Variants in CNPY3 observed in about 807,000 individuals in gnomAD.
CNPY3 encodes protein canopy homolog 3.
Under a neutral mutation model 32.0 loss-of-function variants are expected in CNPY3, and 20 were observed. The observed-to-expected ratio is 0.63, with a 90% CI of 0.44 to 0.91. The LOEUF is 0.91. CNPY3 is among the 40% of genes least tolerant of loss of function. The pLI is 0.00. For synonymous variants in CNPY3, 138 were observed against 142.9 expected (o/e 0.97, Z 0.24); for missense variants, 299 against 340.8 (o/e 0.88, Z 0.97).
intron 1 of CNPY3, among the ~76,000 whole-genome samples, chr6:42,933,234 G>T (rs1767959890): frequency 6.6e-6 from 1 of 152,094 alleles, no homozygotes; most frequent in African/African-American, 2.4e-5. Flanking sequence ...TATTTTCCTA[G>T]GGCCTCAGGC....
At position 42,939,024 on chromosome 6, in the gene CNPY3, G is replaced by A; in HGVS notation, c.*233G>A. On this transcript the variant is annotated 3_prime_UTR_variant, in exon 6 of 6. Transcript: ENST00000372836. ...TCTCTCCTGACCCAGGGTTCAGGCA[G>A]GCCTTGTGGTTTCAGGACTGCAAGG... is the stretch of plus-strand genomic sequence containing the variant. 1 of 1,321,462 alleles carries A rather than the reference G, an allele frequency of 7.6e-7. No homozygotes were observed. The highest frequency in any genetic ancestry group is 2.3e-5 in the South Asian group (1 of 44,206). The allele number at this position is 1,321,462 out of a possible 1,614,324, so 81.9% of individuals were successfully genotyped here. A position where few individuals can be genotyped will look rare whatever the true frequency, so the allele number is the denominator to read the frequency against.
Position 42,939,058 on chromosome 6 carries a change from G to A in CNPY3, c.*267G>A. ...GTTTCAGGACTGCAAGGACTCCAGTGTGAACTCAGGAGGGGCAGGTGTCAG... is the reference window on the plus strand; with the variant it reads ...GTTTCAGGACTGCAAGGACTCCAGTATGAACTCAGGAGGGGCAGGTGTCAG... On this transcript the variant is annotated 3_prime_UTR_variant, in exon 6 of 6. Coordinates refer to ENST00000372836, the MANE Select transcript of CNPY3 (RefSeq NM_006586.5). The A allele has an allele frequency of 8.0e-7, 1 of 1,247,462 alleles. No homozygotes were observed. Among genetic ancestry groups the A allele is most frequent in the Non-Finnish European group, 1.0e-6 (1 of 992,848 alleles). 77.3% of individuals were successfully genotyped at this position (1,247,462 alleles called of 1,614,324 possible). A position where few individuals can be genotyped will look rare whatever the true frequency, so the allele number is the denominator to read the frequency against.
chr6:42,933,897 G>T (rs545172337), intron 1 of CNPY3, among the ~76,000 whole-genome samples: 1 of 152,196 alleles, frequency 6.6e-6, no homozygotes, highest in Admixed American at 6.5e-5. Context: ...AGACCCTGGC[G>T]TGGTGGCTCA....
intron 1 of CNPY3, 147 bp downstream of exon 1, chr6:42,929,868 C>G: frequency 2.1e-6 from 2 of 935,448 alleles, no homozygotes. Flanking sequence ...GACGCTGCGG[C>G]GGACGAGAGA....
Position 42,929,514 on chromosome 6 carries a change from C to A in CNPY3, c.-57C>A. 6.7e-7 allele frequency: 1 copy of A among 1,491,630 alleles called. No homozygotes were observed. The highest frequency in any genetic ancestry group is 1.3e-5 in the South Asian group (1 of 78,234). The allele number at this position is 1,491,630 out of a possible 1,614,324, so 92.4% of individuals were successfully genotyped here. ...GAAGCGGCGAGGGGAAACTGCTCCG[C>A]GCGCGCCGCGGGAGGAGGAACCGCC... On this transcript the variant is annotated 5_prime_UTR_variant, in exon 1 of 6. Transcript: ENST00000372836.
At chr6:42,934,660 A>G in intron 2 of CNPY3, 62 bp downstream of exon 2, 1 of 1,603,492 alleles carries the variant, frequency 6.2e-7, no homozygotes, top group Non-Finnish European at 8.5e-7. Flanking sequence ...AGGGGTTTGG[A>G]GTTCCCTTCT....
At chr6:42,933,226 T>C (rs1294788294) in intron 1 of CNPY3, among the ~76,000 whole-genome samples, 1 of 151,368 alleles carries the variant, frequency 6.6e-6, no homozygotes, top group East Asian at 1.9e-4. Context: ...GCATTAAGTA[T>C]TTTCCTAGGG....
chr6:42,931,815 C>T (rs1180375691), intron 1 of CNPY3, among the ~76,000 whole-genome samples: 2 of 152,148 alleles, frequency 1.3e-5, no homozygotes, highest in Non-Finnish European at 2.9e-5. Context: ...CCTCTGCCTC[C>T]AGGGTTCAAG....
chr6:42,936,882 T>C (rs1768273878), intron 3 of CNPY3, among the ~76,000 whole-genome samples: 1 of 152,176 alleles, frequency 6.6e-6, no homozygotes, highest in Admixed American at 6.5e-5. Flanking sequence ...GTGTGTATGC[T>C]ATACCACTGC....
Position 42,938,101 on chromosome 6 carries a change from G to A in CNPY3, c.507G>A (p.Leu169=). The change falls in exon 5 of 6, where the codon CTG becomes CTA. Residue 169 remains leucine, a synonymous_variant. Transcript: ENST00000372836. ...VADLKKQCDV[L]VEEFEEVIED... is the part of the protein sequence containing the mutation. ...ATTATGATTAACAGTGTGATGTGCT[G>A]GTGGAAGAGTTTGAGGAGGTGATCG... is the stretch of plus-strand genomic sequence containing the variant. The A allele has an allele frequency of 2.5e-6, 4 of 1,613,528 alleles. No individual in the cohort carries two copies. The highest frequency in any genetic ancestry group is 3.4e-6 in the Non-Finnish European group (4 of 1,179,410).
intron 5 of CNPY3, 31 bp from the exon 6 acceptor site, chr6:42,938,537 C>G: frequency 6.5e-7 from 1 of 1,549,482 alleles, no homozygotes; most frequent in Non-Finnish European, 8.7e-7. Flanking sequence ...TGAGGCACTT[C>G]TGTTGAGGGT....
chr6:42,936,125 C>T (rs116125230), intron 3 of CNPY3, among the ~76,000 whole-genome samples: 217 of 152,300 alleles, frequency 1.4e-3, no homozygotes, highest in African/African-American at 4.9e-3. Context: ...AGTATGTGTA[C>T]GAGTGCTTTT....
At position 42,935,679 on chromosome 6, in the gene CNPY3, C is replaced by G. The variant is rs116075503; in HGVS notation, c.372+9C>G. On this transcript the variant is annotated intron_variant, in intron 3 of 5. Coordinates refer to ENST00000372836, the MANE Select transcript of CNPY3 (RefSeq NM_006586.5). Reference sequence around the variant, plus strand: ...GCAATCGATTTGCCAAGGTTGGATTCGGGATTGTCCTTCATCCGCTCTGGG... The same window carrying G: ...GCAATCGATTTGCCAAGGTTGGATTGGGGATTGTCCTTCATCCGCTCTGGG... 1 of 1,605,946 alleles carries G rather than the reference C, an allele frequency of 6.2e-7. No individual in the cohort carries two copies. The highest frequency in any genetic ancestry group is 1.7e-5 in the Admixed American group (1 of 59,910).
intron 2 of CNPY3, 145 bp from the exon 3 acceptor site, chr6:42,935,429 A>C: frequency 7.5e-7 from 1 of 1,339,650 alleles, no homozygotes; most frequent in East Asian, 2.6e-5. Context: ...GATCCCCCAG[A>C]CCAGATGACC....
chr6:42,931,938 G>A (rs1767856105), intron 1 of CNPY3, among the ~76,000 whole-genome samples: 1 of 151,874 alleles, frequency 6.6e-6, no homozygotes, highest in South Asian at 2.1e-4. Flanking sequence ...GGCCAGGTTG[G>A]TCTTGAACTC....
chr6:42,935,250 A>G (rs565404643), intron 2 of CNPY3, among the ~76,000 whole-genome samples: 1 of 152,280 alleles, frequency 6.6e-6, no homozygotes, highest in African/African-American at 2.4e-5. Context: ...TAAAAACCCA[A>G]TTCTGTCAGC....
chr6:42,929,866 G>C, intron 1 of CNPY3, 145 bp downstream of exon 1: 8 of 961,828 alleles, frequency 8.3e-6, no homozygotes, highest in Non-Finnish European at 1.0e-5. Context: ...GGGACGCTGC[G>C]GCGGACGAGA....
Position 42,939,265 on chromosome 6 carries a change from T to G in CNPY3, c.*474T>G, listed in dbSNP as rs970805291. On this transcript the variant is annotated 3_prime_UTR_variant, in exon 6 of 6. Coordinates refer to ENST00000372836, the MANE Select transcript of CNPY3 (RefSeq NM_006586.5). ...AGAGTAAAAATGTTCTGGTTCTGATTTCTGAGTCCTCTGCAGCCCTCAGAG... is the reference window on the plus strand; with the variant it reads ...AGAGTAAAAATGTTCTGGTTCTGATGTCTGAGTCCTCTGCAGCCCTCAGAG... 1.2e-5 allele frequency: 12 copies of G among 986,860 alleles called. No homozygotes were observed. The African/African-American group carries it at 2.1e-4, about 17-fold the overall frequency. The allele number at this position is 986,860 out of a possible 1,614,324, so 61.1% of individuals were successfully genotyped here.
chr6:42,936,906 C>T (rs1033911092), intron 3 of CNPY3, among the ~76,000 whole-genome samples: 3 of 151,798 alleles, frequency 2.0e-5, no homozygotes, highest in African/African-American at 4.8e-5. Flanking sequence ...TGTAAAAAGG[C>T]GGGGGGAGGA....
Sources: gnomAD v4.1 joint callset for allele counts (sites outside exome capture counted in the v4.1 genomes callset) on GRCh38, gnomAD v4.1.1 for gene constraint, MANE v1.5 for transcripts, NCBI Gene and HGNC (gene_info 2026-07-23, HGNC 2026-07-21) for gene names.